The following SLC15A1 variants were observed in gnomAD, a reference collection of about 807,000 sequenced individuals.
SLC15A1 encodes solute carrier family 15 member 1.
In SLC15A1, 83 loss-of-function variants were observed where a neutral mutation model predicts 92.9. The ratio of observed to expected loss-of-function variants is 0.89; its 90% CI spans 0.75 to 1.07. The LOEUF (loss-of-function observed/expected upper bound fraction) is 1.07, where lower values mean the gene tolerates loss of function less well. Ranked by LOEUF, SLC15A1 falls within the 50% of genes least tolerant of loss-of-function variation. The probability of loss-of-function intolerance (pLI) is 0.00; values close to 1 mark genes in which losing one functional copy is unlikely to be tolerated. For missense variants in SLC15A1, 857 were observed against 880.1 expected (o/e 0.97, Z 0.33); for synonymous variants, 322 against 318.2 (o/e 1.01, Z -0.13).
At chr13:98,738,173 G>C (rs551501732) in intron 1 of SLC15A1, among the ~76,000 whole-genome samples, 2 of 152,194 alleles carry the variant, frequency 1.3e-5, no homozygotes, top group Non-Finnish European at 2.9e-5. Context: ...CAAATAAAAT[G>C]ACTTAAAGCT....
At chr13:98,704,231 T>C (rs2088092822) in intron 17 of SLC15A1, 58 bp downstream of exon 17, 16 of 1,490,116 alleles carry the variant, frequency 1.1e-5, no homozygotes, top group Non-Finnish European at 1.3e-5. Flanking sequence ...ACCATAAAAA[T>C]TTTGGCCTCC....
intron 9 of SLC15A1, among the ~76,000 whole-genome samples, chr13:98,713,414 G>A (rs549533719): frequency 1.3e-5 from 2 of 152,198 alleles, no homozygotes; most frequent in East Asian, 1.9e-4. Flanking sequence ...CTGTATTTAG[G>A]TTTTATAAAG....
At chr13:98,698,323 G>A (rs2088039833) in intron 18 of SLC15A1, among the ~76,000 whole-genome samples, 1 of 152,184 alleles carries the variant, frequency 6.6e-6, no homozygotes, top group Non-Finnish European at 1.5e-5. Flanking sequence ...CTAGCACAGG[G>A]AAAACAGAAA....
chr13:98,723,700 C>T (rs1398221714), intron 5 of SLC15A1, among the ~76,000 whole-genome samples: 2 of 152,168 alleles, frequency 1.3e-5, no homozygotes, highest in Non-Finnish European at 2.9e-5. Context: ...ACAGCTGAGC[C>T]TCAGAGTGAG....
rs1489173743 is a variant in SLC15A1 at position 98,723,463 on chromosome 13, C to T, written c.365+449G>A. The stretch of plus-strand genomic sequence containing the variant: ...GCATTTATCAATAACACCTGCCATC[C>T]AGAGCCCAGCACAAATGGCTGGAAC... On this transcript the variant is annotated intron_variant, in intron 5 of 22. Transcript: ENST00000376503. Among the ~76,000 whole-genome samples the T allele has an allele frequency of 2.6e-5, 4 of 152,190 alleles. No individual in the cohort carries two copies. In the East Asian group the frequency reaches 7.7e-4, roughly 29 times the overall value.
intron 16 of SLC15A1, among the ~76,000 whole-genome samples, chr13:98,705,893 T>TAAAA (rs58621986): frequency 1.4e-5 from 2 of 142,942 alleles, no homozygotes; most frequent in African/African-American, 2.6e-5. Flanking sequence ...AGACTCCATC[T>TAAAA]AAAAAAAAAA....
At chr13:98,744,609 C>T (rs1167199553) in intron 1 of SLC15A1, among the ~76,000 whole-genome samples, 1 of 151,596 alleles carries the variant, frequency 6.6e-6, no homozygotes, top group Non-Finnish European at 1.5e-5. Flanking sequence ...ATTAGCCGGG[C>T]GTGGTGGCAT....
intron 18 of SLC15A1, among the ~76,000 whole-genome samples, chr13:98,700,751 G>T (rs2088060568): frequency 6.6e-6 from 1 of 152,016 alleles, no homozygotes; most frequent in South Asian, 2.1e-4. Context: ...CTGAGGTTTA[G>T]GTCAAGTTCA....
Position 98,715,921 on chromosome 13 carries a change from T to C in SLC15A1, c.680A>G (p.Lys227Arg), listed in dbSNP as rs766853164. 1 of 1,614,180 alleles carries C rather than the reference T, an allele frequency of 6.2e-7. No homozygotes were observed. The highest frequency in any genetic ancestry group is 2.2e-5 in the East Asian group (1 of 44,882). Reference sequence around the variant, plus strand: ...TTTACCCATGATGTTGCCCTGTGGCTTGAACTTCTTGTACATCCCACTGCC... The same window carrying C: ...TTTACCCATGATGTTGCCCTGTGGCCTGAACTTCTTGTACATCCCACTGCC... ...VLGSGMYKKF[K>R]PQGNIMGKVA... The change falls in exon 9 of 23, where the codon AAG (lysine) becomes AGG (arginine). Residue 227 changes from lysine (K) to arginine (R), a missense_variant. Transcript: ENST00000376503.
At chr13:98,690,309 A>G (rs1352418042) in intron 18 of SLC15A1, among the ~76,000 whole-genome samples, 2 of 152,204 alleles carry the variant, frequency 1.3e-5, no homozygotes, top group African/African-American at 4.8e-5. Flanking sequence ...TGAAGTCCCG[A>G]GGCCTTCTAC....
At chr13:98,746,527 A>C (rs1002279973) in intron 1 of SLC15A1, among the ~76,000 whole-genome samples, 1 of 152,254 alleles carries the variant, frequency 6.6e-6, no homozygotes, top group African/African-American at 2.4e-5. Flanking sequence ...TTTAATGGAA[A>C]AAAAGGAAAA....
In SLC15A1 at chr13:98,704,326, T is replaced by A. The variant is rs2088094399; in HGVS notation, c.1379A>T (p.His460Leu). The stretch of plus-strand genomic sequence containing the variant: ...ATTGGGGGCCCACACTAGAAGCGTG[T>A]GGCGTTGGCCCTGCTTGAAGTCGTC... ...VTDDFKQGQRHTLLVWAPNHY... is the reference protein window; with the variant it reads ...VTDDFKQGQRLTLLVWAPNHY... The change falls in exon 17 of 23, where the codon CAC becomes CTC. Residue 460 changes from histidine to leucine, a missense_variant. By Grantham distance (99) the His-to-Leu change is moderately conservative. Transcript: ENST00000376503. 29 of 1,613,624 alleles carry A rather than the reference T, an allele frequency of 1.8e-5. No homozygotes were observed. Among genetic ancestry groups the A allele is most frequent in the Middle Eastern group, 1.7e-4 (1 of 6,056 alleles).
chr13:98,705,008 G>A (rs374446993), intron 16 of SLC15A1, among the ~76,000 whole-genome samples: 8 of 152,096 alleles, frequency 5.3e-5, no homozygotes, highest in African/African-American at 1.9e-4. Context: ...AGACCAGCCT[G>A]GCCAACATGG....
At chr13:98,739,103 G>A (rs1352847504) in intron 1 of SLC15A1, among the ~76,000 whole-genome samples, 1 of 152,230 alleles carries the variant, frequency 6.6e-6, no homozygotes, top group Non-Finnish European at 1.5e-5. Context: ...GGTGGGGCCT[G>A]TAGCCCCTTG....
intron 1 of SLC15A1, among the ~76,000 whole-genome samples, chr13:98,749,448 G>C (rs2088523316): frequency 6.6e-6 from 1 of 152,172 alleles, no homozygotes; most frequent in Non-Finnish European, 1.5e-5. Context: ...AATTTTCAGA[G>C]TCCATTTAGC....
At chr13:98,717,569 T>C (rs759934098) in intron 8 of SLC15A1, among the ~76,000 whole-genome samples, 1 of 152,202 alleles carries the variant, frequency 6.6e-6, no homozygotes, top group Non-Finnish European at 1.5e-5. Context: ...AAATGCTCTC[T>C]GTCTCCTGCC....
At chr13:98,728,977 T>TAAAAAAAAAAAAAAAAAAAAAAAAA (rs71218592) in intron 1 of SLC15A1, among the ~76,000 whole-genome samples, 3 of 13,898 alleles carry the variant, frequency 2.2e-4, no homozygotes, top group African/African-American at 9.6e-4. Context: ...TAAGGCTCTG[T>TAAAAAAAAAAAAAAAAAAAAAAAAA]AAAAAAAAAA....
At chr13:98,712,638 G>T in intron 9 of SLC15A1, 54 bp from the exon 10 acceptor site, 1 of 1,317,540 alleles carries the variant, frequency 7.6e-7, no homozygotes, top group Non-Finnish European at 1.1e-6. Context: ...ACTTTGTCAG[G>T]GAAGCACATT....
chr13:98,750,581 G>A (rs763039312), intron 1 of SLC15A1, among the ~76,000 whole-genome samples: 7 of 152,090 alleles, frequency 4.6e-5, no homozygotes, highest in South Asian at 2.1e-4. Context: ...AGCACCTGCC[G>A]TGAAAATTTG....
Sources: gnomAD v4.1 joint callset for allele counts (sites outside exome capture counted in the v4.1 genomes callset) on GRCh38, gnomAD v4.1.1 for gene constraint, MANE v1.5 for transcripts, NCBI Gene and HGNC (gene_info 2026-07-23, HGNC 2026-07-21) for gene names.